HAUS4: variants seen among roughly 807,000 people sequenced by gnomAD.
HAUS4 encodes the protein HAUS augmin-like complex subunit 4.
A neutral mutation model predicts 50.6 loss-of-function variants in HAUS4; 34 were observed. The ratio of observed to expected loss-of-function variants is 0.67; its 90% CI spans 0.51 to 0.90. The LOEUF is 0.90. Among genes scored for constraint, HAUS4 ranks in the 40% least tolerant of loss-of-function variants. The pLI, the probability that HAUS4 is intolerant of heterozygous loss-of-function variation, is 0.00. For missense variants in HAUS4, 370 were observed against 428.7 expected (o/e 0.86, Z 1.21); for synonymous variants, 149 against 161.4 (o/e 0.92, Z 0.58).
intron 6 of HAUS4, 56 bp downstream of exon 6, chr14:22,950,258 A>T: frequency 1.1e-6 from 1 of 899,730 alleles, no homozygotes; most frequent in Non-Finnish European, 1.8e-6. Flanking sequence ...TTCTCAAAAG[A>T]GCAGACCAGG....
At chr14:22,951,174 GT>G (rs796113851) in intron 5 of HAUS4, among the ~76,000 whole-genome samples, 6 of 147,618 alleles carry the variant, frequency 4.1e-5, no homozygotes, top group East Asian at 2.0e-4. Context: ...CTTTTGTTTT[GT>G]TTTTTTTTTG....
intron 9 of HAUS4, 56 bp downstream of exon 9, chr14:22,947,115 T>C: frequency 7.1e-6 from 8 of 1,124,358 alleles, no homozygotes; most frequent in Non-Finnish European, 1.1e-5. Flanking sequence ...TAAACGAGTT[T>C]AGGGAATGTG....
chr14:22,955,312 A>C (rs2044840090), intron 1 of HAUS4, 136 bp from the exon 2 acceptor site: 3 of 668,034 alleles, frequency 4.5e-6, no homozygotes, highest in Non-Finnish European at 8.1e-6. Context: ...CAGAGGGCCT[A>C]TACCACACAT....
intron 8 of HAUS4, 51 bp downstream of exon 8, chr14:22,947,550 G>A (rs774424851): frequency 1.3e-6 from 2 of 1,597,534 alleles, no homozygotes; most frequent in Admixed American, 3.4e-5. Flanking sequence ...GGGATAGAGG[G>A]CTGATAACGT....
chr14:22,946,749 C>A, intron 9 of HAUS4, 41 bp from the exon 10 acceptor site: 2 of 1,443,612 alleles, frequency 1.4e-6, no homozygotes, highest in Non-Finnish European at 1.9e-6. Flanking sequence ...AAGGGTGCTG[C>A]TCCTCAGAAA....
chr14:22,947,402 C>T (rs1016125422), intron 8 of HAUS4, 163 bp from the exon 9 acceptor site: 5 of 729,238 alleles, frequency 6.9e-6, no homozygotes, highest in South Asian at 1.8e-5. Flanking sequence ...AGTAAAGTGC[C>T]TATTTCAGAA....
chr14:22,946,750 T>A, intron 9 of HAUS4, 42 bp from the exon 10 acceptor site: 3 of 1,237,348 alleles, frequency 2.4e-6, no homozygotes, highest in Non-Finnish European at 3.4e-6. Context: ...AGGGTGCTGC[T>A]CCTCAGAAAG....
At position 22,946,591 on chromosome 14, in the gene HAUS4, G is replaced by A. The variant is rs759916524; in HGVS notation, c.1026C>T (p.Thr342=). The change falls in exon 10 of 10, where the codon ACC becomes ACT. Residue 342 remains threonine, a synonymous_variant. Coordinates refer to ENST00000541587, the MANE Select transcript of HAUS4 (RefSeq NM_001166269.2). ...TGTTCTCTGTTGCCTGCTTGAGTACGGTGTACTCTTTCACCAGCCTGTCAA... is the reference window on the plus strand; with the variant it reads ...TGTTCTCTGTTGCCTGCTTGAGTACAGTGTACTCTTTCACCAGCCTGTCAA... The part of the protein sequence containing the change: ...EEFDRLVKEY[T]VLKQATENKR... The A allele has an allele frequency of 2.1e-5, 34 of 1,613,402 alleles. No individual in the cohort carries two copies. In the East Asian group the frequency reaches 5.1e-4, roughly 24 times the overall value.
At chr14:22,951,959 A>G (rs1594545984) in intron 4 of HAUS4, among the ~76,000 whole-genome samples, 2 of 151,876 alleles carry the variant, frequency 1.3e-5, no homozygotes, top group African/African-American at 4.8e-5. Context: ...ACATCATCAG[A>G]CAAAGCCACA....
At chr14:22,951,515 A>G in intron 5 of HAUS4, 40 bp downstream of exon 5, 4 of 1,604,070 alleles carry the variant, frequency 2.5e-6, no homozygotes, top group Non-Finnish European at 2.6e-6. Context: ...GGAGAAATTA[A>G]ACCATTTCAT....
chr14:22,956,999 C>G lies in HAUS4; in HGVS notation c.-106G>C, dbSNP rs923671900. 5.8e-5 allele frequency: 9 copies of G among 154,566 alleles called. No homozygotes were observed. The highest frequency in any genetic ancestry group is 1.9e-4 in the East Asian group (1 of 5,178). The allele number at this position is 154,566 out of a possible 1,614,324, so 9.6% of individuals were successfully genotyped here. ...GGGCTGGCCAGCAGCGTCTACACCC[C>G]AGAACCCGCCCGCGCCGGGGCTCCG... On this transcript the variant is annotated 5_prime_UTR_variant, in exon 1 of 10. Coordinates refer to ENST00000541587, the MANE Select transcript of HAUS4 (RefSeq NM_001166269.2).
chr14:22,947,044 A>C, intron 9 of HAUS4, 127 bp downstream of exon 9: 1 of 709,572 alleles, frequency 1.4e-6, no homozygotes, highest in South Asian at 1.6e-5. Flanking sequence ...TCGGCCTCCC[A>C]AAGTGCTGGG....
intron 8 of HAUS4, 69 bp from the exon 9 acceptor site, chr14:22,947,308 T>C (rs1248056346): frequency 1.9e-6 from 2 of 1,064,144 alleles, no homozygotes; most frequent in Non-Finnish European, 2.9e-6. Context: ...GGAATGGACG[T>C]AGTACCTGCC....
At chr14:22,949,528 C>CAA (rs5807198) in intron 6 of HAUS4, among the ~76,000 whole-genome samples, 184 of 75,242 alleles carry the variant, frequency 2.4e-3, no homozygotes, top group African/African-American at 3.2e-3. Flanking sequence ...GACTTCGTCT[C>CAA]AAAAAAAAAA....
chr14:22,951,810 C>T (rs1393137892), intron 4 of HAUS4, 121 bp from the exon 5 acceptor site: 1 of 833,086 alleles, frequency 1.2e-6, no homozygotes, highest in African/African-American at 1.7e-5. Context: ...TATCATCCCC[C>T]CTCAGATAAC....
Position 22,955,119 on chromosome 14 carries a change from C to T in HAUS4, c.36G>A (p.Gly12=). The T allele has an allele frequency of 6.2e-7, 1 of 1,611,794 alleles. No homozygotes were observed. The highest frequency in any genetic ancestry group is 8.5e-7 in the Non-Finnish European group (1 of 1,177,844). Reference sequence around the variant, plus strand: ...TCTTACCTTGTTGAAGTATTTCCATCCCTTCTCCAGGTGAGCAGAAATCCC... The same window carrying T: ...TCTTACCTTGTTGAAGTATTTCCATTCCTTCTCCAGGTGAGCAGAAATCCC... ...ASGDFCSPGE[G]MEILQQVCSK... Residue 12 remains glycine (G), a synonymous_variant, in exon 2 of 10, where the codon GGG becomes GGA. Transcript: ENST00000541587.
chr14:22,950,458 T>A, intron 5 of HAUS4, 48 bp from the exon 6 acceptor site: 2 of 1,168,188 alleles, frequency 1.7e-6, no homozygotes, highest in Non-Finnish European at 1.3e-6. Flanking sequence ...CTGTAAAAAC[T>A]AGGACGTCTC....
chr14:22,948,676 C>T (rs1198146383), intron 6 of HAUS4, among the ~76,000 whole-genome samples: 1 of 151,078 alleles, frequency 6.6e-6, no homozygotes, highest in African/African-American at 2.4e-5. Flanking sequence ...GCTGGGATTA[C>T]AGGCACCCGC....
chr14:22,951,664 A>G lies in HAUS4; in HGVS notation c.356T>C (p.Leu119Pro), dbSNP rs367900681. ...KKFHETLEQRLLVTELMRLLG... is the reference protein window; with the variant it reads ...KKFHETLEQRPLVTELMRLLG... ...GAGCCGCATCAGTTCAGTTACAAGC[A>G]GCCGCTGTTCAAGGGTCTCATGAAA... Residue 119 changes from leucine (L) to proline (P), a missense_variant, in exon 5 of 10, where the codon CTG becomes CCG. Transcript: ENST00000541587. 7 of 1,613,346 alleles carry G rather than the reference A, an allele frequency of 4.3e-6. No homozygotes were observed. The African/African-American group carries it at 8.0e-5, about 18-fold the overall frequency.
Sources: allele counts gnomAD v4.1 joint callset (sites outside exome capture counted in the v4.1 genomes callset), GRCh38; gene constraint gnomAD v4.1.1; transcripts MANE v1.5; gene names NCBI Gene and HGNC (gene_info 2026-07-23, HGNC 2026-07-21).